Variants in GPC5 observed in about 807,000 individuals in gnomAD.
The protein encoded by GPC5 is glypican-5.
GPC5 carries 47 observed loss-of-function variants against 53.9 expected under a neutral mutation model. That is an observed-to-expected ratio of 0.87 (90% confidence interval 0.69 to 1.11). The LOEUF (loss-of-function observed/expected upper bound fraction) is 1.11. GPC5 is among the 50% of genes most tolerant of loss of function. GPC5 has a pLI of 0.00. For missense variants in GPC5, 748 were observed against 713.1 expected, an observed-to-expected ratio of 1.05 and a Z score of -0.56; for synonymous variants, 286 against 263.3, an observed-to-expected ratio of 1.09 and a Z score of -0.84.
chr13:91,593,562 A>G (rs2032883563), intron 2 of GPC5, among the ~76,000 whole-genome samples: 1 of 151,862 alleles, frequency 6.6e-6, no homozygotes, highest in East Asian at 1.9e-4. Flanking sequence ...ATTTGTTCTG[A>G]CTCTTGTGTC....
intron 7 of GPC5, among the ~76,000 whole-genome samples, chr13:92,343,322 A>G (rs1293874896): frequency 6.6e-6 from 1 of 152,178 alleles, no homozygotes; most frequent in African/African-American, 2.4e-5. Context: ...TGGAAGAGCA[A>G]GTGAGATTCA....
chr13:91,414,343 C>T lies in GPC5; in HGVS notation c.163+15134C>T, dbSNP rs540776035. 1.1e-4 allele frequency among the ~76,000 whole-genome samples: 16 copies of T among 152,314 alleles called. No homozygotes were observed. The East Asian group carries it at 2.1e-3, about 20-fold the overall frequency. ...AAGTGCCTGCTTCTCCTTTGCCTTC[C>T]GCAATGATTGCAAGTTTCCTGAGGC... On this transcript the variant is annotated intron_variant, in intron 1 of 7. Coordinates refer to ENST00000377067, the MANE Select transcript of GPC5 (RefSeq NM_004466.6).
chr13:92,716,287 CAG>C (rs1034318441), intron 7 of GPC5, among the ~76,000 whole-genome samples: 22 of 152,098 alleles, frequency 1.4e-4, no homozygotes, highest in African/African-American at 4.1e-4. Flanking sequence ...GCCAGCAACA[CAG>C]AGTTACCCAT....
intron 7 of GPC5, among the ~76,000 whole-genome samples, chr13:92,479,635 A>G (rs1388331519): frequency 1.3e-5 from 2 of 152,122 alleles, no homozygotes; most frequent in African/African-American, 4.8e-5. Flanking sequence ...TCTTTCCATG[A>G]GTGTAACAGA....
At chr13:92,626,909 T>C (rs534738742) in intron 7 of GPC5, among the ~76,000 whole-genome samples, 47 of 152,336 alleles carry the variant, frequency 3.1e-4, no homozygotes, top group African/African-American at 1.1e-3. Flanking sequence ...TTTTTGCTTT[T>C]CATTATTTCA....
At chr13:92,856,156 C>A (rs568480961) in intron 7 of GPC5, among the ~76,000 whole-genome samples, 2 of 151,980 alleles carry the variant, frequency 1.3e-5, no homozygotes, top group Admixed American at 6.6e-5. Flanking sequence ...TTTAACTCAT[C>A]ATAATCATAT....
At position 92,225,501 on chromosome 13, in the gene GPC5, G is replaced by A. The variant is rs191690705; in HGVS notation, c.1561+80512G>A. ...AAAAACTTAGAATATCTGAGGGGAA[G>A]TGTTGAAAATATAGCAGTTGAATTT... On this transcript the variant is annotated intron_variant, in intron 7 of 7. Coordinates refer to ENST00000377067, the MANE Select transcript of GPC5 (RefSeq NM_004466.6). 2.9e-3 allele frequency among the ~76,000 whole-genome samples: 440 copies of A among 152,292 alleles called. 3 individuals are homozygous for A. Among genetic ancestry groups the A allele is most frequent in the African/African-American group, 9.7e-3 (405 of 41,558 alleles).
chr13:92,138,345 C>T (rs1253931478), intron 6 of GPC5, among the ~76,000 whole-genome samples: 1 of 151,844 alleles, frequency 6.6e-6, no homozygotes, highest in Admixed American at 6.6e-5. Context: ...AATGGTGAAG[C>T]CCTGTCTCTA....
chr13:91,940,570 A>G (rs571326543), intron 6 of GPC5, among the ~76,000 whole-genome samples: 24 of 152,212 alleles, frequency 1.6e-4, no homozygotes, highest in Admixed American at 1.4e-3. Context: ...AAAACTCCAA[A>G]CTGCTTTCTA....
At chr13:92,511,561 T>C (rs1300859476) in intron 7 of GPC5, among the ~76,000 whole-genome samples, 1 of 152,208 alleles carries the variant, frequency 6.6e-6, no homozygotes, top group African/African-American at 2.4e-5. Flanking sequence ...AAATGATACC[T>C]CTGTTGTTCA....
At chr13:91,489,737 A>G (rs1883827000) in intron 2 of GPC5, among the ~76,000 whole-genome samples, 1 of 152,188 alleles carries the variant, frequency 6.6e-6, no homozygotes, top group South Asian at 2.1e-4. Flanking sequence ...TAATAAGACA[A>G]ATGTTCATAT....
At chr13:92,214,827 C>T (rs533803901) in intron 7 of GPC5, among the ~76,000 whole-genome samples, 1 of 152,274 alleles carries the variant, frequency 6.6e-6, no homozygotes. Context: ...AAGGTCCTTA[C>T]AATGTGGGAG....
rs541637177 is a variant in GPC5 at position 92,316,949 on chromosome 13, C to T, written c.1561+171960C>T. ...ATACAATATATTGTATTCTCCATAA[C>T]GTGCTAATGAACTGTTATCTTTTCT... On this transcript the variant is annotated intron_variant, in intron 7 of 7. Coordinates refer to ENST00000377067, the MANE Select transcript of GPC5 (RefSeq NM_004466.6). Among the ~76,000 whole-genome samples the T allele has an allele frequency of 3.9e-5, 6 of 152,144 alleles. No homozygotes were observed. In the East Asian group the frequency reaches 9.6e-4, roughly 24 times the overall value.
At chr13:92,518,465 C>T (rs1398224246) in intron 7 of GPC5, among the ~76,000 whole-genome samples, 1 of 152,034 alleles carries the variant, frequency 6.6e-6, no homozygotes, top group Non-Finnish European at 1.5e-5. Context: ...AGAGTGGGGG[C>T]CAATATTCAA....
intron 6 of GPC5, among the ~76,000 whole-genome samples, chr13:92,091,962 C>T (rs2041384722): frequency 6.6e-6 from 1 of 152,112 alleles, no homozygotes; most frequent in Non-Finnish European, 1.5e-5. Flanking sequence ...TTATAGTACT[C>T]ACAATTAAGT....
intron 6 of GPC5, among the ~76,000 whole-genome samples, chr13:91,926,144 G>T (rs564190097): frequency 1.3e-3 from 200 of 151,980 alleles, no homozygotes; most frequent in Non-Finnish European, 2.4e-3. Context: ...GGCGGATCAC[G>T]AGGTCAGGAG....
At chr13:92,752,459 AG>A (rs1889436395) in intron 7 of GPC5, among the ~76,000 whole-genome samples, 1 of 152,308 alleles carries the variant, frequency 6.6e-6, no homozygotes, top group African/African-American at 2.4e-5. Context: ...AAGAGTGCTA[AG>A]AATATTTTCT....
At chr13:91,984,937 G>A (rs1311256373) in intron 6 of GPC5, among the ~76,000 whole-genome samples, 1 of 152,150 alleles carries the variant, frequency 6.6e-6, no homozygotes, top group Non-Finnish European at 1.5e-5. Context: ...CTAAAAGAAT[G>A]TGTGTCATGC....
At chr13:91,890,876 C>T (rs2039377485) in intron 5 of GPC5, among the ~76,000 whole-genome samples, 1 of 152,082 alleles carries the variant, frequency 6.6e-6, no homozygotes, top group African/African-American at 2.4e-5. Flanking sequence ...AGTTTTGTAT[C>T]AGCATCTTGG....
Sources: gnomAD v4.1 joint callset for allele counts (sites outside exome capture counted in the v4.1 genomes callset) on GRCh38, gnomAD v4.1.1 for gene constraint, MANE v1.5 for transcripts, NCBI Gene and HGNC (gene_info 2026-07-23, HGNC 2026-07-21) for gene names.